Variants in MECOM observed in about 807,000 individuals in gnomAD.
MECOM encodes MDS1 and EVI1 complex locus.
MECOM carries 13 observed loss-of-function variants against 116.3 expected under a neutral mutation model. The ratio of observed to expected loss-of-function variants is 0.11; its 90% CI spans 0.07 to 0.18. MECOM has a LOEUF of 0.18. MECOM is among the 10% of genes least tolerant of loss of function. The probability of loss-of-function intolerance (pLI) is 1.00; values close to 1 mark genes in which losing one functional copy is unlikely to be tolerated. For synonymous variants in MECOM, 528 were observed against 535.2 expected, an observed-to-expected ratio of 0.99 and a Z score of 0.19; for missense variants, 1,299 against 1,509.0, an observed-to-expected ratio of 0.86 and a Z score of 2.31.
intron 2 of MECOM, among the ~76,000 whole-genome samples, chr3:169,237,115 C>T (rs1411108525): frequency 6.6e-6 from 1 of 152,120 alleles, no homozygotes; most frequent in Non-Finnish European, 1.5e-5. Context: ...GAACCAAAGG[C>T]TTCAGTAAGT....
chr3:169,220,171 T>C (rs114673551), intron 2 of MECOM, among the ~76,000 whole-genome samples: 10,999 of 151,756 alleles, frequency 0.072, 633 homozygotes, highest in East Asian at 0.29. Flanking sequence ...TCCAAAAAAA[T>C]ACAAAAAAAT....
intron 1 of MECOM, among the ~76,000 whole-genome samples, chr3:169,575,334 G>T (rs560423668): frequency 6.6e-6 from 1 of 152,282 alleles, no homozygotes; most frequent in Non-Finnish European, 1.5e-5. Context: ...TGTCTTTCCA[G>T]CAGGGGAAGG....
chr3:169,363,520 T>C (rs1728653663), intron 2 of MECOM, among the ~76,000 whole-genome samples: 1 of 151,960 alleles, frequency 6.6e-6, no homozygotes, highest in African/African-American at 2.4e-5. Context: ...TTTCATTTAG[T>C]ATGCAATTTT....
intron 1 of MECOM, among the ~76,000 whole-genome samples, chr3:169,596,710 T>TA (rs140074497): frequency 2.1e-4 from 31 of 146,900 alleles, no homozygotes; most frequent in Non-Finnish European, 3.2e-4. Context: ...ACATTAAAAC[T>TA]AAAAAAAAAA....
At chr3:169,551,119 G>A (rs1489112318) in intron 1 of MECOM, among the ~76,000 whole-genome samples, 1 of 152,096 alleles carries the variant, frequency 6.6e-6, no homozygotes, top group Non-Finnish European at 1.5e-5. Flanking sequence ...GATGTCTGTG[G>A]TGGAGAGGAA....
intron 9 of MECOM, among the ~76,000 whole-genome samples, chr3:169,111,337 G>A (rs1727314631): frequency 6.6e-6 from 1 of 152,026 alleles, no homozygotes; most frequent in African/African-American, 2.4e-5. Context: ...TAATATTACT[G>A]TAATTAATTT....
At chr3:169,417,580 C>A (rs1560246744) in intron 1 of MECOM, among the ~76,000 whole-genome samples, 1 of 151,742 alleles carries the variant, frequency 6.6e-6, no homozygotes, top group Admixed American at 6.6e-5. Flanking sequence ...ACTAGAAATA[C>A]TATTTGACCC....
chr3:169,340,031 G>A (rs1056921764), intron 2 of MECOM, among the ~76,000 whole-genome samples: 6 of 152,186 alleles, frequency 3.9e-5, no homozygotes, highest in Non-Finnish European at 7.3e-5. Flanking sequence ...TTTGTAGCTG[G>A]AACACGTAAA....
chr3:169,326,866 G>A (rs1042887225), intron 2 of MECOM, among the ~76,000 whole-genome samples: 6 of 152,122 alleles, frequency 3.9e-5, no homozygotes, highest in Admixed American at 3.3e-4. Context: ...TCAAGGAAGG[G>A]CAGAGGGTTC....
In MECOM at chr3:169,657,316, G is replaced by A. The variant is rs1298436864; in HGVS notation, c.37+6020C>T. Among the ~76,000 whole-genome samples, 5 of 152,350 alleles carry A rather than the reference G, an allele frequency of 3.3e-5. No homozygotes were observed. The East Asian group carries it at 7.7e-4, about 23-fold the overall frequency. ...GATCCCTCTAGGTAACCCCTACACAGCCACACGTGAGAGAATGGCTTCACA... is the reference window on the plus strand; with the variant it reads ...GATCCCTCTAGGTAACCCCTACACAACCACACGTGAGAGAATGGCTTCACA... On this transcript the variant is annotated intron_variant, in intron 1 of 16. Coordinates refer to ENST00000651503, the MANE Select transcript of MECOM (RefSeq NM_004991.4).
chr3:169,093,341 G>A (rs990176507), intron 13 of MECOM, among the ~76,000 whole-genome samples: 1 of 152,080 alleles, frequency 6.6e-6, no homozygotes, highest in East Asian at 1.9e-4. Flanking sequence ...CGCAAAGAAG[G>A]TGCTTCTCTC....
At chr3:169,097,817 T>TAAAAAACAAAAAAAAAA (rs1722144192) in intron 12 of MECOM, among the ~76,000 whole-genome samples, 1 of 87,194 alleles carries the variant, frequency 1.1e-5, no homozygotes, top group African/African-American at 3.9e-5. Context: ...ACTGTCTATA[T>TAAAAAACAAAAAAAAAA]AAAAAAAAAA....
At chr3:169,085,109 TATTGTTGGTAA>T (rs1717228266) in intron 16 of MECOM, 66 bp from the exon 17 acceptor site, 6 of 1,593,774 alleles carry the variant, frequency 3.8e-6, no homozygotes, top group East Asian at 2.2e-5. Flanking sequence ...GTTCAAAGAA[TATTGTTGGTAA>T]ATGGAAAGGG....
intron 1 of MECOM, among the ~76,000 whole-genome samples, chr3:169,607,358 T>C (rs1768719858): frequency 6.6e-6 from 1 of 152,182 alleles, no homozygotes; most frequent in Admixed American, 6.5e-5. Context: ...CCAATGTCTC[T>C]TCATAAAATA....
intron 1 of MECOM, among the ~76,000 whole-genome samples, chr3:169,592,501 T>TG (rs1025227829): frequency 6.6e-6 from 1 of 152,158 alleles, no homozygotes; most frequent in Non-Finnish European, 1.5e-5. Context: ...CTCTACCCTC[T>TG]GGGGTGTCCA....
chr3:169,186,904 G>A (rs1338299364), intron 2 of MECOM, among the ~76,000 whole-genome samples: 3 of 152,158 alleles, frequency 2.0e-5, no homozygotes, highest in Non-Finnish European at 4.4e-5. Flanking sequence ...TTCATTTACA[G>A]AATAGCTACC....
At chr3:169,260,461 ATTT>A (rs200384707) in intron 2 of MECOM, among the ~76,000 whole-genome samples, 3 of 141,384 alleles carry the variant, frequency 2.1e-5, no homozygotes, top group Admixed American at 7.0e-5. Flanking sequence ...GCATGCAATG[ATTT>A]TTTTTTTTTT....
At chr3:169,614,180 T>C (rs543695701) in intron 1 of MECOM, among the ~76,000 whole-genome samples, 3 of 149,240 alleles carry the variant, frequency 2.0e-5, no homozygotes, top group Non-Finnish European at 4.4e-5. Flanking sequence ...AACTAAAGCA[T>C]GGGAATTTCT....
At chr3:169,107,378 G>A (rs757840998) in intron 10 of MECOM, among the ~76,000 whole-genome samples, 4 of 152,064 alleles carry the variant, frequency 2.6e-5, no homozygotes, top group Non-Finnish European at 5.9e-5. Flanking sequence ...GAAAGTCAAG[G>A]AAGTGAAACT....
Sources: gnomAD v4.1 joint callset for allele counts (sites outside exome capture counted in the v4.1 genomes callset) on GRCh38, gnomAD v4.1.1 for gene constraint, MANE v1.5 for transcripts, NCBI Gene and HGNC (gene_info 2026-07-23, HGNC 2026-07-21) for gene names.